Variants in THRB observed in about 807,000 individuals in gnomAD.
THRB encodes the protein thyroid hormone receptor beta.
Under a neutral mutation model 47.8 loss-of-function variants are expected in THRB, and 12 were observed. The ratio of observed to expected loss-of-function variants is 0.25; its 90% CI spans 0.16 to 0.41. The LOEUF is 0.41. Ranked by LOEUF, THRB falls within the 10% of genes least tolerant of loss-of-function variation. The pLI is 1.00. For synonymous variants in THRB, 218 were observed against 212.2 expected, an observed-to-expected ratio of 1.03 and a Z score of -0.24; for missense variants, 348 against 589.2, an observed-to-expected ratio of 0.59 and a Z score of 4.24.
At chr3:24,243,959 T>C (rs1487535456) in intron 3 of THRB, among the ~76,000 whole-genome samples, 1 of 152,086 alleles carries the variant, frequency 6.6e-6, no homozygotes, top group East Asian at 1.9e-4. Context: ...AAATGACAGA[T>C]TTTGAGGAAA....
At chr3:24,178,053 G>C (rs890019022) in intron 5 of THRB, among the ~76,000 whole-genome samples, 2 of 152,074 alleles carry the variant, frequency 1.3e-5, no homozygotes, top group Non-Finnish European at 2.9e-5. Flanking sequence ...AAATGTCACA[G>C]GGGACAGAGA....
intron 4 of THRB, among the ~76,000 whole-genome samples, chr3:24,219,042 G>A (rs826245): frequency 0.27 from 40,409 of 152,028 alleles, 6,330 homozygotes; most frequent in African/African-American, 0.4. Flanking sequence ...CGAGGTGGGC[G>A]GATTGCTTGA....
intron 5 of THRB, among the ~76,000 whole-genome samples, chr3:24,153,946 T>C (rs537701383): frequency 6.6e-6 from 1 of 152,326 alleles, no homozygotes; most frequent in African/African-American, 2.4e-5. Context: ...CCGTGACATT[T>C]CATAGACCTT....
At chr3:24,269,401 GCGCA>G (rs1353638104) in intron 3 of THRB, among the ~76,000 whole-genome samples, 834 of 45,572 alleles carry the variant, frequency 0.018, 4 homozygotes, top group Middle Eastern at 0.091. Flanking sequence ...GCGCGCGCGC[GCGCA>G]CACACACACA....
At chr3:24,179,196 T>G (rs1356212099) in intron 5 of THRB, among the ~76,000 whole-genome samples, 1 of 151,864 alleles carries the variant, frequency 6.6e-6, no homozygotes, top group Non-Finnish European at 1.5e-5. Flanking sequence ...TCACCTCAAC[T>G]CCCCCTCCAA....
chr3:24,283,068 C>T (rs2150861353), intron 3 of THRB, among the ~76,000 whole-genome samples: 1 of 151,268 alleles, frequency 6.6e-6, no homozygotes, highest in East Asian at 1.9e-4. Context: ...AGGGAATCCT[C>T]CCTAACTCAT....
chr3:24,370,213 A>C (rs1057415212), intron 1 of THRB, among the ~76,000 whole-genome samples: 3 of 152,076 alleles, frequency 2.0e-5, no homozygotes, highest in African/African-American at 7.2e-5. Context: ...TTGTTGTAAA[A>C]TTATTTTCAG....
intron 1 of THRB, chr3:24,458,105 G>T (rs1174231988): frequency 3.3e-5 from 5 of 152,120 alleles, no homozygotes; most frequent in African/African-American, 4.8e-5. Context: ...GAATAGGAAG[G>T]TTCTAAAGAA....
intron 1 of THRB, among the ~76,000 whole-genome samples, chr3:24,386,389 C>A (rs897177957): frequency 1.3e-5 from 2 of 152,106 alleles, no homozygotes; most frequent in East Asian, 1.9e-4. Context: ...CCCTTCACAG[C>A]CAGAGTTGCT....
intron 1 of THRB, among the ~76,000 whole-genome samples, chr3:24,354,858 T>G (rs972543889): frequency 6.6e-6 from 1 of 152,048 alleles, no homozygotes; most frequent in Admixed American, 6.6e-5. Flanking sequence ...AAAGTGGATT[T>G]CTCCATAAAT....
chr3:24,313,606 T>A (rs974814769), intron 2 of THRB, among the ~76,000 whole-genome samples: 1 of 152,184 alleles, frequency 6.6e-6, no homozygotes, highest in Non-Finnish European at 1.5e-5. Context: ...GTGTTATCCC[T>A]TTTCACTTGA....
chr3:24,479,432 AG>A (rs1265942942), intron 1 of THRB, among the ~76,000 whole-genome samples: 22 of 152,326 alleles, frequency 1.4e-4, no homozygotes, highest in African/African-American at 3.8e-4. Context: ...ACCTTGCTCC[AG>A]GGGAACACGG....
chr3:24,234,387 G>C (rs1477349413), intron 3 of THRB, among the ~76,000 whole-genome samples: 2 of 151,836 alleles, frequency 1.3e-5, no homozygotes, highest in African/African-American at 4.9e-5. Context: ...ATGTGATCTA[G>C]TGAATAGAAT....
At chr3:24,310,971 G>A (rs2057717619) in intron 2 of THRB, among the ~76,000 whole-genome samples, 1 of 152,174 alleles carries the variant, frequency 6.6e-6, no homozygotes, top group Non-Finnish European at 1.5e-5. Context: ...TTCAACTAAA[G>A]TGGGATGATG....
At chr3:24,383,351 T>C (rs1424479096) in intron 1 of THRB, among the ~76,000 whole-genome samples, 1 of 152,166 alleles carries the variant, frequency 6.6e-6, no homozygotes, top group Non-Finnish European at 1.5e-5. Flanking sequence ...ATTAAAAATA[T>C]CTGGAAGAAA....
chr3:24,334,417 G>A lies in THRB; in HGVS notation c.-189+2883C>T, dbSNP rs2062108863. On this transcript the variant is annotated intron_variant, in intron 2 of 10. Transcript: ENST00000646209. ...AAATTATGAAGAATTTGAATTTGATGAATATTTTTAAAAGCACATGTTAAA... is the reference window on the plus strand; with the variant it reads ...AAATTATGAAGAATTTGAATTTGATAAATATTTTTAAAAGCACATGTTAAA... 2.0e-5 allele frequency among the ~76,000 whole-genome samples: 3 copies of A among 152,180 alleles called. No individual in the cohort carries two copies. The South Asian group carries it at 6.2e-4, about 32-fold the overall frequency.
chr3:24,216,643 CTG>C (rs1200596533), intron 4 of THRB, among the ~76,000 whole-genome samples: 3 of 152,042 alleles, frequency 2.0e-5, no homozygotes, highest in Admixed American at 6.6e-5. Flanking sequence ...TGTTTAGAAA[CTG>C]TGATCTCTTG....
At chr3:24,461,947 G>T (rs931249897) in intron 1 of THRB, among the ~76,000 whole-genome samples, 1 of 152,056 alleles carries the variant, frequency 6.6e-6, no homozygotes, top group Admixed American at 6.6e-5. Flanking sequence ...CAATGACATG[G>T]AATAATGTTC....
rs1279581122 is a variant in THRB, at chr3:24,121,247, G to A, written c.*1637C>T. The A allele has an allele frequency of 6.6e-6, 1 of 152,518 alleles. No individual in the cohort carries two copies. The highest frequency in any genetic ancestry group is 1.5e-5 in the Non-Finnish European group (1 of 68,034). The allele number at this position is 152,518 out of a possible 1,614,324, so 9.4% of individuals were successfully genotyped here. Reference sequence around the variant, plus strand: ...ACCTAGAATTACAAATCTACCAGTTGACAGAGCACGAACTAGAACTCAGGC... The same window carrying A: ...ACCTAGAATTACAAATCTACCAGTTAACAGAGCACGAACTAGAACTCAGGC... On this transcript the variant is annotated 3_prime_UTR_variant, in exon 11 of 11. Transcript: ENST00000646209.
Sources: gnomAD v4.1 joint callset for allele counts (sites outside exome capture counted in the v4.1 genomes callset) on GRCh38, gnomAD v4.1.1 for gene constraint, MANE v1.5 for transcripts, NCBI Gene and HGNC (gene_info 2026-07-23, HGNC 2026-07-21) for gene names.